The following LRP1B variants were observed in gnomAD, a reference collection of about 807,000 sequenced individuals.
The protein encoded by LRP1B is low-density lipoprotein receptor-related protein 1B.
Under a neutral mutation model 556.6 loss-of-function variants are expected in LRP1B, and 217 were observed. The observed-to-expected ratio is 0.39, with a 90% CI of 0.35 to 0.44. LRP1B has a LOEUF of 0.44. Ranked by LOEUF, LRP1B falls within the 20% of genes least tolerant of loss-of-function variation. The probability of loss-of-function intolerance (pLI) is 1.00; values close to 1 mark genes in which losing one functional copy is unlikely to be tolerated. For synonymous variants in LRP1B, 2,047 were observed against 1,865.8 expected, an observed-to-expected ratio of 1.10 and a Z score of -2.50; for missense variants, 5,053 against 5,620.8, an observed-to-expected ratio of 0.90 and a Z score of 3.23.
intron 86 of LRP1B, among the ~76,000 whole-genome samples, chr2:140,250,223 C>T (rs1192311854): frequency 6.6e-6 from 1 of 151,908 alleles, no homozygotes; most frequent in African/African-American, 2.4e-5. Flanking sequence ...TTTCCCACTG[C>T]CCTTAGTCTT....
chr2:140,608,607 C>T (rs985104251), intron 41 of LRP1B, among the ~76,000 whole-genome samples: 59 of 152,184 alleles, frequency 3.9e-4, no homozygotes, highest in Non-Finnish European at 2.9e-5. Context: ...TTAACAAAGG[C>T]AAGCTTTTAT....
intron 2 of LRP1B, among the ~76,000 whole-genome samples, chr2:141,749,871 A>G (rs993222013): frequency 2.0e-5 from 3 of 152,100 alleles, no homozygotes; most frequent in African/African-American, 4.8e-5. Context: ...TAATGCCTGG[A>G]TGCTTGAAAC....
chr2:140,919,702 A>T (rs775715596), intron 21 of LRP1B, among the ~76,000 whole-genome samples: 11 of 152,008 alleles, frequency 7.2e-5, no homozygotes, highest in Admixed American at 3.3e-4. Context: ...TTACTCAGAG[A>T]TACATATTTT....
intron 11 of LRP1B, among the ~76,000 whole-genome samples, chr2:141,024,819 G>T (rs528705669): frequency 2.0e-5 from 3 of 152,094 alleles, no homozygotes; most frequent in South Asian, 4.1e-4. Context: ...AGGAGCAACT[G>T]GGAGGGGTCC....
At chr2:141,511,192 C>T (rs920045963) in intron 2 of LRP1B, among the ~76,000 whole-genome samples, 5 of 152,090 alleles carry the variant, frequency 3.3e-5, no homozygotes, top group Admixed American at 2.0e-4. Flanking sequence ...TATATGAAAT[C>T]TTTTCTTATT....
rs775283091 is a variant in LRP1B, at chr2:140,598,750, T to A, written c.7075A>T (p.Ser2359Cys). ...LTGKNAQVVV[S>C]TDILTPNGLT... is the part of the protein sequence containing the mutation. ...CCATTTGGAGTGAGTATGTCTGTAC[T>A]GACCACCACTTGAGCATTTTTCCCA... is the stretch of plus-strand genomic sequence containing the variant. The change falls in exon 43 of 91, where the codon AGT becomes TGT. Residue 2359 changes from serine (S) to cysteine (C), a missense_variant. This residue lies in a region of LRP1B where 3,619 missense variants were observed against 3,931.9 expected (regional missense o/e 0.92). Transcript: ENST00000389484. 3.1e-6 allele frequency: 5 copies of A among 1,612,972 alleles called. No homozygotes were observed. Among genetic ancestry groups the A allele is most frequent in the Non-Finnish European group, 1.7e-6 (2 of 1,179,020 alleles).
Position 140,907,940 on chromosome 2 carries a change from G to A in LRP1B, c.3457C>T (p.Pro1153Ser), listed in dbSNP as rs767871223. 90 of 1,613,432 alleles carry A rather than the reference G, an allele frequency of 5.6e-5. No homozygotes were observed. The highest frequency in any genetic ancestry group is 7.2e-5 in the Non-Finnish European group (85 of 1,179,676). The change falls in exon 22 of 91, where the codon CCA becomes TCA. Residue 1153 changes from proline to serine, a missense_variant. Pro to Ser is a moderately conservative substitution (Grantham distance 74, BLOSUM62 -1). Transcript: ENST00000389484. ...TTTTTCCCATTGCAGAGTTTCTCTGGCTGCAGGCAGACTGAGGTGTCATTA... is the reference window on the plus strand; with the variant it reads ...TTTTTCCCATTGCAGAGTTTCTCTGACTGCAGGCAGACTGAGGTGTCATTA... ...CANDTSVCLQ[P>S]EKLCNGKKDC...
At chr2:140,460,152 G>A (rs777096895) in intron 60 of LRP1B, among the ~76,000 whole-genome samples, 2 of 152,100 alleles carry the variant, frequency 1.3e-5, no homozygotes, top group Non-Finnish European at 2.9e-5. Context: ...AAAAAAACTA[G>A]TAAATAAAAG....
At chr2:141,981,212 G>A (rs558903968) in intron 1 of LRP1B, among the ~76,000 whole-genome samples, 1 of 152,166 alleles carries the variant, frequency 6.6e-6, no homozygotes, top group East Asian at 1.9e-4. Flanking sequence ...ACAGATACTA[G>A]TAAGAGAATC....
intron 7 of LRP1B, among the ~76,000 whole-genome samples, chr2:141,165,933 T>C (rs1461871097): frequency 6.6e-6 from 1 of 152,008 alleles, no homozygotes; most frequent in Non-Finnish European, 1.5e-5. Flanking sequence ...AGTAAATCTC[T>C]TCTATACCTT....
At chr2:140,372,504 C>T (rs1458570950) in intron 69 of LRP1B, among the ~76,000 whole-genome samples, 1 of 152,038 alleles carries the variant, frequency 6.6e-6, no homozygotes, top group African/African-American at 2.4e-5. Context: ...TTTGTAGAGA[C>T]ACCTAGCACA....
chr2:140,236,622 A>C (rs1301189927), intron 89 of LRP1B, among the ~76,000 whole-genome samples: 1 of 150,946 alleles, frequency 6.6e-6, no homozygotes, highest in South Asian at 2.1e-4. Flanking sequence ...AAGGCTGTGG[A>C]TTGTCAGGCT....
Position 141,415,743 on chromosome 2 carries a change from T to A in LRP1B, c.343+64653A>T, listed in dbSNP as rs537174622. Among the ~76,000 whole-genome samples the A allele has an allele frequency of 5.1e-4, 76 of 148,606 alleles. 1 individual carries two copies. Among genetic ancestry groups the A allele is most frequent in the African/African-American group, 1.3e-3 (53 of 41,162 alleles). On this transcript the variant is annotated intron_variant, in intron 3 of 90. Coordinates refer to ENST00000389484, the MANE Select transcript of LRP1B (RefSeq NM_018557.3). ...TGTATGCATTTCAGTTCTTTTTTTT[T>A]AAATATTACTTGTAAATAATTATCT...
At chr2:140,362,147 T>G (rs560298939) in intron 72 of LRP1B, among the ~76,000 whole-genome samples, 1 of 151,830 alleles carries the variant, frequency 6.6e-6, no homozygotes, top group South Asian at 2.1e-4. Flanking sequence ...ATAGCTTGCC[T>G]AAAGTGCCGC....
At chr2:141,102,116 T>C (rs941881235) in intron 7 of LRP1B, among the ~76,000 whole-genome samples, 8 of 152,124 alleles carry the variant, frequency 5.3e-5, no homozygotes, top group African/African-American at 1.9e-4. Context: ...TATGGTTGCT[T>C]ATACAGAGCT....
At chr2:141,474,553 T>C (rs1451187508) in intron 3 of LRP1B, among the ~76,000 whole-genome samples, 1 of 152,166 alleles carries the variant, frequency 6.6e-6, no homozygotes, top group Non-Finnish European at 1.5e-5. Flanking sequence ...TATGAGTGGA[T>C]TAAGAAAAAA....
intron 1 of LRP1B, among the ~76,000 whole-genome samples, chr2:141,949,252 C>T (rs926494949): frequency 2.0e-5 from 3 of 152,108 alleles, no homozygotes; most frequent in Admixed American, 6.6e-5. Context: ...CCAGTCAACC[C>T]TAAAATTTGT....
intron 2 of LRP1B, among the ~76,000 whole-genome samples, chr2:141,721,642 T>C (rs1227186430): frequency 6.6e-6 from 1 of 152,202 alleles, no homozygotes; most frequent in Admixed American, 6.5e-5. Context: ...TTTGCTATTT[T>C]TCTAAGATTA....
rs1449751470 is a variant in LRP1B at position 140,474,939 on chromosome 2, T to C, written c.9625+199A>G. 1.7e-4 allele frequency among the ~76,000 whole-genome samples: 26 copies of C among 151,074 alleles called. No homozygotes were observed. The Admixed American group carries it at 1.7e-3, about 10-fold the overall frequency. On this transcript the variant is annotated intron_variant, in intron 60 of 90. Coordinates refer to ENST00000389484, the MANE Select transcript of LRP1B (RefSeq NM_018557.3). ...AATAGATTAAAGAAAACATTGATAG[T>C]GTAAAATATCTTGTGCATAACATAT...
Sources: gnomAD v4.1 joint callset for allele counts (sites outside exome capture counted in the v4.1 genomes callset) on GRCh38, gnomAD v4.1.1 for gene constraint, gnomAD v4.1.1 regional missense constraint, MANE v1.5 for transcripts, NCBI Gene and HGNC (gene_info 2026-07-23, HGNC 2026-07-21) for gene names.